Variants in ZBTB40 observed in about 807,000 individuals in gnomAD.
ZBTB40 encodes the protein zinc finger and BTB domain-containing protein 40.
In ZBTB40, 60 loss-of-function variants were observed where a neutral mutation model predicts 117.5. The ratio of observed to expected loss-of-function variants is 0.51; its 90% CI spans 0.41 to 0.63. The LOEUF (loss-of-function observed/expected upper bound fraction) is 0.63. Among genes scored for constraint, ZBTB40 ranks in the 30% least tolerant of loss-of-function variants. ZBTB40 has a pLI of 0.00. For synonymous variants in ZBTB40, 525 were observed against 577.1 expected (o/e 0.91, Z 1.29); for missense variants, 1,287 against 1,498.5 (o/e 0.86, Z 2.33).
At chr1:22,486,452 G>A (rs1253095379) in intron 1 of ZBTB40, among the ~76,000 whole-genome samples, 1 of 152,230 alleles carries the variant, frequency 6.6e-6, no homozygotes, top group Non-Finnish European at 1.5e-5. Context: ...TAAAAACAGA[G>A]TGCTCTGGCA....
chr1:22,509,353 T>C (rs1202709795), intron 9 of ZBTB40, 120 bp downstream of exon 9: 8 of 1,414,246 alleles, frequency 5.7e-6, no homozygotes, highest in Non-Finnish European at 6.9e-6. Context: ...TTTTTTTTCC[T>C]TTTTCTCTTT....
At position 22,433,432 on chromosome 1, in the gene ZBTB40, C is replaced by CAAAAAAA. The variant is rs767913519; in HGVS notation, c.-70+4437_-70+4443dup. ...TGGGCGACAGAGCAAGACGCCCTCT[C>CAAAAAAA]AAAAAAAAAAAAAAAAAAAAAAAAA... On this transcript the variant is annotated intron_variant, in intron 1 of 8. Transcript: ENST00000650433. Among the ~76,000 whole-genome samples, 23 of 8,754 alleles carry CAAAAAAA rather than the reference C, an allele frequency of 2.6e-3. 2 individuals are homozygous for CAAAAAAA. The highest frequency in any genetic ancestry group is 9.8e-3 in the East Asian group (1 of 102). 5.7% of individuals were successfully genotyped at this position (8,754 alleles called of 152,430 possible). A position where few individuals can be genotyped will look rare whatever the true frequency, so the allele number is the denominator to read the frequency against.
At chr1:22,439,890 T>A (rs1235491388) in intron 1 of ZBTB40, among the ~76,000 whole-genome samples, 3 of 152,232 alleles carry the variant, frequency 2.0e-5, no homozygotes, top group Non-Finnish European at 4.4e-5. Flanking sequence ...TGGTGTTTTG[T>A]ATTGAATCCA....
chr1:22,431,263 T>TATTGAATATATACAATATTGTATAA, intron 1 of ZBTB40, among the ~76,000 whole-genome samples: 1 of 146,626 alleles, frequency 6.8e-6, no homozygotes, highest in African/African-American at 2.5e-5. Context: ...ATATTGTATA[T>TATTGAATATATACAATATTGTATAA]ATTGAATATA....
At position 22,492,756 on chromosome 1, in the gene ZBTB40, A is replaced by G. The variant is rs76256784; in HGVS notation, c.831+1223A>G. Among the ~76,000 whole-genome samples the G allele has an allele frequency of 5.3e-4, 80 of 152,370 alleles. No homozygotes were observed. The East Asian group carries it at 0.014, about 28-fold the overall frequency. On this transcript the variant is annotated intron_variant, in intron 3 of 17. Coordinates refer to ENST00000375647, the MANE Select transcript of ZBTB40 (RefSeq NM_014870.4). ...TGGGAGACAAGCTATTTACAAGGCT[A>G]GGCTAACCCTGATGACTCTCTTTGG...
chr1:22,506,197 T>C lies in ZBTB40; in HGVS notation c.1316T>C (p.Leu439Pro). The change falls in exon 6 of 18, where the codon CTG becomes CCG. Residue 439 changes from leucine to proline, a missense_variant. By Grantham distance (98) the Leu-to-Pro change is moderately conservative. Around this residue, in one of 2 missense-constraint regions of ZBTB40, gnomAD observed 870 missense variants for 934.4 expected, o/e 0.93. Transcript: ENST00000375647. ...ACGACTTTCCCAAACCTGGGCCTTC[T>C]GCTAGAGAAGTTGCAGAAATCAGCC... is the stretch of plus-strand genomic sequence containing the variant. ...VKTTFPNLGL[L>P]LEKLQKSATL... 6.2e-7 allele frequency: 1 copy of C among 1,614,222 alleles called. No homozygotes were observed. The highest frequency in any genetic ancestry group is 1.1e-5 in the South Asian group (1 of 91,092).
chr1:22,429,518 C>T (rs1199316093), intron 1 of ZBTB40, among the ~76,000 whole-genome samples: 2 of 152,014 alleles, frequency 1.3e-5, no homozygotes, highest in African/African-American at 4.8e-5. Flanking sequence ...TGACTTTCTT[C>T]CTCACCTTAC....
At position 22,501,672 on chromosome 1, in the gene ZBTB40, G is replaced by A. The variant is rs761915053; in HGVS notation, c.1012G>A (p.Val338Met). ...LDRKPEDVDT[V>M]QPKGSTEEGK... ...CAGGAAGCCAGAAGATGTAGACACA[G>A]TGCAGCCAAAAGGTAGGAGAAGATC... The change falls in exon 4 of 18, where the codon GTG becomes ATG. Residue 338 changes from valine (V) to methionine (M), a missense_variant. Coordinates refer to ENST00000375647, the MANE Select transcript of ZBTB40 (RefSeq NM_014870.4). 4 of 1,613,810 alleles carry A rather than the reference G, an allele frequency of 2.5e-6. No homozygotes were observed. In the East Asian group the frequency reaches 8.9e-5, roughly 36 times the overall value.
intron 1 of ZBTB40, among the ~76,000 whole-genome samples, chr1:22,441,527 G>T (rs1264000959): frequency 8.1e-6 from 1 of 122,978 alleles, no homozygotes; most frequent in Non-Finnish European, 1.6e-5. Flanking sequence ...ACCCAGGTTG[G>T]AGTGCAGTGC....
chr1:22,510,708 C>T (rs1639209101), intron 9 of ZBTB40, among the ~76,000 whole-genome samples: 2 of 152,170 alleles, frequency 1.3e-5, no homozygotes, highest in Admixed American at 1.3e-4. Context: ...TAAATGGGTA[C>T]ATCTAAGTAT....
At chr1:22,444,017 T>C (rs1640761421) in intron 1 of ZBTB40, among the ~76,000 whole-genome samples, 2 of 152,126 alleles carry the variant, frequency 1.3e-5, no homozygotes, top group South Asian at 4.1e-4. Context: ...TTTGTTCCAG[T>C]AGGTAGTCAG....
intron 3 of ZBTB40, among the ~76,000 whole-genome samples, chr1:22,494,175 CTT>C (rs1266841132): frequency 2.6e-5 from 4 of 152,132 alleles, no homozygotes; most frequent in Admixed American, 2.0e-4. Context: ...CACTGAATGT[CTT>C]ATAATATCCT....
chr1:22,453,319 AGAACACCCCATGCAT>A (rs1640927297), intron 1 of ZBTB40, among the ~76,000 whole-genome samples: 1 of 152,260 alleles, frequency 6.6e-6, no homozygotes, highest in African/African-American at 2.4e-5. Context: ...AAATGGTTTC[AGAACACCCCATGCAT>A]GTACGCATGC....
intron 1 of ZBTB40, among the ~76,000 whole-genome samples, chr1:22,455,900 A>T (rs1640993749): frequency 6.6e-6 from 1 of 152,184 alleles, no homozygotes; most frequent in Non-Finnish European, 1.5e-5. Flanking sequence ...AATAAAATAG[A>T]TTGAAAAACA....
At chr1:22,517,560 C>A in intron 13 of ZBTB40, 96 bp downstream of exon 13, 4 of 1,461,386 alleles carry the variant, frequency 2.7e-6, no homozygotes, top group East Asian at 4.6e-5. Flanking sequence ...CAGACCCAAG[C>A]TCCATTCAGT....
chr1:22,483,171 G>A (rs1263308984), intron 1 of ZBTB40, among the ~76,000 whole-genome samples: 1 of 150,630 alleles, frequency 6.6e-6, no homozygotes, highest in Non-Finnish European at 1.5e-5. Context: ...TTAGTCCATT[G>A]TCTGGATGTA....
At chr1:22,481,258 C>G (rs1453782257) in intron 1 of ZBTB40, among the ~76,000 whole-genome samples, 6 of 151,962 alleles carry the variant, frequency 3.9e-5, no homozygotes, top group African/African-American at 1.2e-4. Context: ...GCCATTTTGC[C>G]AAAAGTCTGT....
At chr1:22,429,954 G>A (rs554646567) in intron 1 of ZBTB40, among the ~76,000 whole-genome samples, 83 of 152,214 alleles carry the variant, frequency 5.5e-4, no homozygotes, top group African/African-American at 1.8e-3. Context: ...CTGAGATTGC[G>A]CCATTGCACT....
intron 1 of ZBTB40, among the ~76,000 whole-genome samples, chr1:22,456,362 G>GCCA (rs986723983): frequency 6.6e-6 from 1 of 152,098 alleles, no homozygotes; most frequent in African/African-American, 2.4e-5. Context: ...AAATTATGAT[G>GCCA]CCACGTATTT....
Sources: gnomAD v4.1 joint callset for allele counts (sites outside exome capture counted in the v4.1 genomes callset) on GRCh38, gnomAD v4.1.1 for gene constraint, gnomAD v4.1.1 regional missense constraint, MANE v1.5 for transcripts, NCBI Gene and HGNC (gene_info 2026-07-23, HGNC 2026-07-21) for gene names.